The following CREM variants were observed in gnomAD, a reference collection of about 807,000 sequenced individuals.
CREM encodes cAMP-responsive element modulator.
CREM carries 13 observed loss-of-function variants against 37.3 expected under a neutral mutation model. That is an observed-to-expected ratio of 0.35 (90% confidence interval 0.23 to 0.55). The LOEUF (loss-of-function observed/expected upper bound fraction) is 0.55, where lower values mean the gene tolerates loss of function less well. Ranked by LOEUF, CREM falls within the 20% of genes least tolerant of loss-of-function variation. CREM has a pLI of 0.88. For missense variants in CREM, 296 were observed against 362.3 expected, an observed-to-expected ratio of 0.82 and a Z score of 1.49; for synonymous variants, 124 against 120.2, an observed-to-expected ratio of 1.03 and a Z score of -0.21.
rs542259692 is a variant in CREM at position 35,182,874 on chromosome 10, A to G, written c.409+3598A>G. Among the ~76,000 whole-genome samples the G allele has an allele frequency of 1.9e-3, 285 of 152,374 alleles. 2 individuals carry two copies. The highest frequency in any genetic ancestry group is 6.8e-3 in the Middle Eastern group (2 of 294). ...CTGGTCGAAGAAAGTCTTTTATTTCAGAAGCATATACCCGAGAGATGGCGG... is the reference window on the plus strand; with the variant it reads ...CTGGTCGAAGAAAGTCTTTTATTTCGGAAGCATATACCCGAGAGATGGCGG... On this transcript the variant is annotated intron_variant, in intron 5 of 7. Transcript: ENST00000685392.
At chr10:35,134,093 C>T (rs1056467697) in intron 1 of CREM, among the ~76,000 whole-genome samples, 3 of 148,496 alleles carry the variant, frequency 2.0e-5, no homozygotes, top group African/African-American at 7.5e-5. Flanking sequence ...GTTGCCCTGG[C>T]TGGAGTGCAA....
At chr10:35,174,267 A>G (rs2093951843) in intron 3 of CREM, among the ~76,000 whole-genome samples, 1 of 152,134 alleles carries the variant, frequency 6.6e-6, no homozygotes, top group Admixed American at 6.5e-5. Context: ...TGATCTTTCT[A>G]TTCTGTACTC....
intron 2 of CREM, among the ~76,000 whole-genome samples, chr10:35,140,791 G>C (rs1163418335): frequency 6.6e-6 from 1 of 152,204 alleles, no homozygotes; most frequent in Admixed American, 6.5e-5. Context: ...GGACAAAGAA[G>C]GGTAAAGGGC....
At chr10:35,161,171 C>T (rs2093270719) in intron 3 of CREM, among the ~76,000 whole-genome samples, 1 of 151,986 alleles carries the variant, frequency 6.6e-6, no homozygotes, top group Non-Finnish European at 1.5e-5. Flanking sequence ...GGGTCTCACT[C>T]TGTTGCCCAT....
chr10:35,185,460 A>G (rs1040948349), intron 5 of CREM, among the ~76,000 whole-genome samples: 22 of 152,166 alleles, frequency 1.4e-4, no homozygotes, highest in Non-Finnish European at 4.4e-5. Flanking sequence ...CTCTTTCTAA[A>G]GCACTATTTC....
At chr10:35,129,864 A>C (rs1005090903) in intron 1 of CREM, among the ~76,000 whole-genome samples, 1 of 152,192 alleles carries the variant, frequency 6.6e-6, no homozygotes, top group Non-Finnish European at 1.5e-5. Flanking sequence ...ATTATTGTAC[A>C]TTGAATACAG....
chr10:35,146,074 C>A (rs2092079015), intron 2 of CREM, among the ~76,000 whole-genome samples: 1 of 152,184 alleles, frequency 6.6e-6, no homozygotes, highest in Non-Finnish European at 1.5e-5. Context: ...GACTTATCTG[C>A]TTTTGTATTT....
At chr10:35,170,148 G>A (rs1335936349) in intron 3 of CREM, among the ~76,000 whole-genome samples, 1 of 151,834 alleles carries the variant, frequency 6.6e-6, no homozygotes, top group Non-Finnish European at 1.5e-5. Context: ...GTATTTTTTA[G>A]TAGAAACGGG....
At chr10:35,204,622 T>C (rs1195384517) in intron 6 of CREM, among the ~76,000 whole-genome samples, 1 of 151,156 alleles carries the variant, frequency 6.6e-6, no homozygotes, top group Non-Finnish European at 1.5e-5. Flanking sequence ...AAAAAATCAA[T>C]TATTCCCTAT....
At chr10:35,146,387 T>C (rs73260861) in intron 2 of CREM, among the ~76,000 whole-genome samples, 4,542 of 152,336 alleles carry the variant, frequency 0.03, 226 homozygotes, top group African/African-American at 0.1. Flanking sequence ...CACTAGCAGA[T>C]TGAAGCTTTT....
intron 3 of CREM, among the ~76,000 whole-genome samples, chr10:35,159,757 A>G (rs1296651948): frequency 1.3e-5 from 2 of 152,244 alleles, no homozygotes; most frequent in South Asian, 4.1e-4. Flanking sequence ...AGCAAAGGAA[A>G]CATTCCACAG....
intron 3 of CREM, among the ~76,000 whole-genome samples, chr10:35,171,827 T>A (rs1278497525): frequency 6.6e-6 from 1 of 152,240 alleles, no homozygotes; most frequent in African/African-American, 2.4e-5. Flanking sequence ...AGCTCCTTAA[T>A]TCTAAAAAGA....
chr10:35,201,078 C>T (rs913275040), intron 6 of CREM, among the ~76,000 whole-genome samples: 3 of 151,522 alleles, frequency 2.0e-5, no homozygotes, highest in African/African-American at 7.3e-5. Context: ...TGATTGCATA[C>T]ATTGAAAAGG....
intron 3 of CREM, 126 bp downstream of exon 3, chr10:35,148,617 T>C (rs2092348739): frequency 9.1e-7 from 1 of 1,099,784 alleles, no homozygotes; most frequent in Non-Finnish European, 1.3e-6. Context: ...TTCTTGCTTA[T>C]TTGATTGTGA....
At chr10:35,201,526 C>T in intron 6 of CREM, 3 of 1,551,408 alleles carry the variant, frequency 1.9e-6, no homozygotes, top group Non-Finnish European at 2.6e-6. Context: ...ACTCCAAACC[C>T]CATGCTTTTT....
intron 6 of CREM, among the ~76,000 whole-genome samples, chr10:35,198,340 T>C (rs1024466478): frequency 2.0e-5 from 3 of 151,998 alleles, no homozygotes; most frequent in Non-Finnish European, 4.4e-5. Context: ...CTGGCCAACA[T>C]GGTGAAACCC....
At chr10:35,130,077 T>C (rs1053488901) in intron 1 of CREM, among the ~76,000 whole-genome samples, 5 of 151,924 alleles carry the variant, frequency 3.3e-5, no homozygotes, top group East Asian at 1.9e-4. Context: ...ATGCCTGTAA[T>C]TGTGGCTACT....
chr10:35,194,346 T>C (rs1249878663), intron 6 of CREM, among the ~76,000 whole-genome samples: 2 of 152,076 alleles, frequency 1.3e-5, no homozygotes, highest in Admixed American at 1.3e-4. Context: ...AAATAGTAAT[T>C]TTGATTTATT....
intron 7 of CREM, among the ~76,000 whole-genome samples, chr10:35,209,160 C>A (rs1407707388): frequency 6.6e-6 from 1 of 152,186 alleles, no homozygotes; most frequent in African/African-American, 2.4e-5. Flanking sequence ...TGATAACCTG[C>A]AAATTTCACT....
Sources: gnomAD v4.1 joint callset for allele counts (sites outside exome capture counted in the v4.1 genomes callset) on GRCh38, gnomAD v4.1.1 for gene constraint, MANE v1.5 for transcripts, NCBI Gene and HGNC (gene_info 2026-07-23, HGNC 2026-07-21) for gene names.